The following CCDC146 variants were observed in gnomAD, a reference collection of about 807,000 sequenced individuals.
CCDC146 encodes coiled-coil domain-containing protein 146.
Under a neutral mutation model 119.3 loss-of-function variants are expected in CCDC146, and 92 were observed. The ratio of observed to expected loss-of-function variants is 0.77; its 90% confidence interval spans 0.65 to 0.92. The LOEUF is 0.92. CCDC146 is among the 40% of genes least tolerant of loss of function. CCDC146 has a pLI of 0.00. For synonymous variants in CCDC146, 372 were observed against 371.8 expected (o/e 1.00, Z -0.01); for missense variants, 1,000 against 1,103.0 (o/e 0.91, Z 1.32).
Position 77,273,703 on chromosome 7 carries a change from A to C in CCDC146, c.1183A>C (p.Ile395Leu), listed in dbSNP as rs1793571317. 3 of 1,607,186 alleles carry C rather than the reference A, an allele frequency of 1.9e-6. No homozygotes were observed. The highest frequency in any genetic ancestry group is 1.3e-5 in the African/African-American group (1 of 74,792). Residue 395 changes from isoleucine (I) to leucine (L), a missense_variant, in exon 10 of 19, where the codon ATC becomes CTC. Ile to Leu is a conservative substitution (Grantham distance 5). Coordinates refer to ENST00000285871, the MANE Select transcript of CCDC146 (RefSeq NM_020879.3). ...HQRLLLEMEA[I>L]PKDDSTLSER... ...AAATTTTGATTTCCAGATGGAAGCT[A>C]TCCCCAAAGATGATTCTACATTATC...
At chr7:77,191,366 T>A (rs1269460938) in intron 2 of CCDC146, among the ~76,000 whole-genome samples, 1 of 152,178 alleles carries the variant, frequency 6.6e-6, no homozygotes, top group Non-Finnish European at 1.5e-5. Context: ...CCCTACCCAC[T>A]ACTTTCCCAA....
intron 2 of CCDC146, among the ~76,000 whole-genome samples, chr7:77,233,399 T>C (rs1360411454): frequency 2.0e-5 from 3 of 152,040 alleles, no homozygotes; most frequent in Non-Finnish European, 2.9e-5. Flanking sequence ...GCCAAATCAA[T>C]GTTTCTTTGA....
intron 9 of CCDC146, among the ~76,000 whole-genome samples, chr7:77,270,798 T>C (rs1793495388): frequency 6.6e-6 from 1 of 152,192 alleles, no homozygotes. Context: ...AACCTTAGTG[T>C]GTACATTGTT....
chr7:77,133,652 C>CTTTTT (rs71524906), intron 1 of CCDC146, among the ~76,000 whole-genome samples: 7 of 137,832 alleles, frequency 5.1e-5, no homozygotes, highest in African/African-American at 1.9e-4. Flanking sequence ...CCTGGAACAC[C>CTTTTT]TTTTTTTTTT....
intron 17 of CCDC146, among the ~76,000 whole-genome samples, chr7:77,291,871 A>C (rs1293770534): frequency 1.3e-5 from 2 of 152,268 alleles, no homozygotes; most frequent in African/African-American, 4.8e-5. Context: ...TTTCATTTAA[A>C]AAGTCATTTC....
At chr7:77,266,965 C>T (rs1209649181) in intron 9 of CCDC146, among the ~76,000 whole-genome samples, 1 of 151,368 alleles carries the variant, frequency 6.6e-6, no homozygotes, top group Non-Finnish European at 1.5e-5. Flanking sequence ...GGGGGTAGCT[C>T]CCTGTAGTGA....
intron 2 of CCDC146, chr7:77,198,984 C>T (rs1791926981): frequency 1.7e-6 from 1 of 590,716 alleles, no homozygotes; most frequent in Admixed American, 3.3e-5. Flanking sequence ...GGATACAGAA[C>T]TAACTATGAT....
At chr7:77,130,329 A>G (rs1001126382) in intron 1 of CCDC146, among the ~76,000 whole-genome samples, 2 of 152,218 alleles carry the variant, frequency 1.3e-5, no homozygotes, top group South Asian at 2.1e-4. Flanking sequence ...TCAAGAAAGC[A>G]TAGTTAAGGC....
In CCDC146 at chr7:77,215,703, A is replaced by G. The variant is rs560774795; in HGVS notation, c.157-21244A>G. On this transcript the variant is annotated intron_variant, in intron 2 of 18. Transcript: ENST00000285871. Reference sequence around the variant, plus strand: ...CATCAAAATCCTGATTTTCAATGACATTATGTAATTATTCATTGACTTTAT... The same window carrying G: ...CATCAAAATCCTGATTTTCAATGACGTTATGTAATTATTCATTGACTTTAT... Among the ~76,000 whole-genome samples the G allele has an allele frequency of 2.0e-5, 3 of 152,210 alleles. No individual in the cohort carries two copies. In the East Asian group the frequency reaches 5.8e-4, roughly 29 times the overall value.
intron 2 of CCDC146, chr7:77,195,537 G>A (rs1031272127): frequency 2.0e-5 from 3 of 152,142 alleles, no homozygotes; most frequent in African/African-American, 7.2e-5. Flanking sequence ...GATTAAGTTT[G>A]TCTCAGAATG....
chr7:77,269,803 G>A (rs186452900), intron 9 of CCDC146, among the ~76,000 whole-genome samples: 8 of 152,288 alleles, frequency 5.3e-5, no homozygotes, highest in Non-Finnish European at 1.2e-4. Flanking sequence ...TTCTAGTACA[G>A]TTTCAGTGAG....
chr7:77,174,186 C>G (rs1297537462), intron 2 of CCDC146, among the ~76,000 whole-genome samples: 1 of 152,128 alleles, frequency 6.6e-6, no homozygotes, highest in Non-Finnish European at 1.5e-5. Flanking sequence ...TTCTTTGTGT[C>G]TGGCTGCTTT....
intron 8 of CCDC146, 62 bp downstream of exon 8, chr7:77,260,298 G>A: frequency 8.2e-7 from 1 of 1,224,062 alleles, no homozygotes; most frequent in South Asian, 1.6e-5. Flanking sequence ...TTATATTTGA[G>A]AATTCAAAAT....
At chr7:77,153,817 G>A (rs1014249454) in intron 1 of CCDC146, among the ~76,000 whole-genome samples, 4 of 151,402 alleles carry the variant, frequency 2.6e-5, no homozygotes, top group African/African-American at 9.8e-5. Flanking sequence ...CCTTTGGAAG[G>A]GAATTGAAAA....
chr7:77,238,503 G>A (rs557343204), intron 3 of CCDC146, among the ~76,000 whole-genome samples: 6 of 151,956 alleles, frequency 3.9e-5, no homozygotes, highest in Admixed American at 6.6e-5. Context: ...TGCAAGCTCC[G>A]CCTCCCAGGT....
chr7:77,161,844 A>G (rs528448122), intron 1 of CCDC146, among the ~76,000 whole-genome samples: 2 of 151,290 alleles, frequency 1.3e-5, no homozygotes, highest in East Asian at 1.9e-4. Flanking sequence ...AGCCATCCTA[A>G]CAGGTGTGAG....
In CCDC146 at chr7:77,167,728, T is replaced by A; in HGVS notation, c.60T>A (p.Asp20Glu). The change falls in exon 2 of 19, where the codon GAT (aspartate) becomes GAA (glutamate). Residue 20 changes from aspartate (D) to glutamate (E), a missense_variant. Around this residue, in one of 2 missense-constraint regions of CCDC146, gnomAD observed 15 missense variants for 57.7 expected, o/e 0.26. Transcript: ENST00000285871. ...KEEEEEKDEK[D>E]QEPIYAIVPT... ...AGGAAGAGGAGAAAGATGAAAAGGA[T>A]CAAGAGCCCATTTATGCCATAGTGC... 1 of 1,610,984 alleles carries A rather than the reference T, an allele frequency of 6.2e-7. No homozygotes were observed. The highest frequency in any genetic ancestry group is 1.1e-5 in the South Asian group (1 of 90,566).
At chr7:77,208,089 A>G (rs1036842596) in intron 2 of CCDC146, among the ~76,000 whole-genome samples, 4 of 152,194 alleles carry the variant, frequency 2.6e-5, no homozygotes, top group Non-Finnish European at 4.4e-5. Flanking sequence ...CACAGGCAAC[A>G]TGTTTGGCCT....
intron 2 of CCDC146, among the ~76,000 whole-genome samples, chr7:77,214,333 A>G (rs895376675): frequency 6.6e-6 from 1 of 152,066 alleles, no homozygotes; most frequent in African/African-American, 2.4e-5. Context: ...TAAGTTCCTT[A>G]TAGATTCTGG....
Sources: gnomAD v4.1 joint callset for allele counts (sites outside exome capture counted in the v4.1 genomes callset) on GRCh38, gnomAD v4.1.1 for gene constraint, gnomAD v4.1.1 regional missense constraint, MANE v1.5 for transcripts, NCBI Gene and HGNC (gene_info 2026-07-23, HGNC 2026-07-21) for gene names.